Variants in GPHN observed in about 807,000 individuals in gnomAD.
The protein encoded by GPHN is gephyrin.
In GPHN, 17 loss-of-function variants were observed where a neutral mutation model predicts 95.5. The ratio of observed to expected loss-of-function variants is 0.18; its 90% CI spans 0.12 to 0.27. The LOEUF (loss-of-function observed/expected upper bound fraction) is 0.27. GPHN is among the 10% of genes least tolerant of loss of function. The pLI is 1.00. For synonymous variants in GPHN, 320 were observed against 322.5 expected, an observed-to-expected ratio of 0.99 and a Z score of 0.08; for missense variants, 660 against 978.1, an observed-to-expected ratio of 0.67 and a Z score of 4.34.
At chr14:67,169,577 TA>T (rs1567441487) in intron 21 of GPHN, among the ~76,000 whole-genome samples, 1 of 152,186 alleles carries the variant, frequency 6.6e-6, no homozygotes, top group Non-Finnish European at 1.5e-5. Context: ...ACCTGGAAAT[TA>T]GGTCTCCTTC....
At chr14:67,443,599 A>G in the GPHN span, among the ~76,000 whole-genome samples, 1 of 151,864 alleles carries the variant, frequency 6.6e-6, no homozygotes, top group Non-Finnish European at 1.5e-5. Flanking sequence ...AGAAAGAAAG[A>G]AAAGAGAAAT....
chr14:67,453,207 C>G, the GPHN span, among the ~76,000 whole-genome samples: 1 of 149,076 alleles, frequency 6.7e-6, no homozygotes, highest in Admixed American at 6.7e-5. Context: ...CTCCAATTAT[C>G]CCCCGGGGGG....
intron 4 of GPHN, among the ~76,000 whole-genome samples, chr14:66,839,001 A>G (rs1191615748): frequency 6.6e-6 from 1 of 152,226 alleles, no homozygotes; most frequent in African/African-American, 2.4e-5. Context: ...TAATAATTTT[A>G]CCAGTATTAT....
At chr14:67,059,014 G>T in intron 11 of GPHN, 72 of 382,278 alleles carry the variant, frequency 1.9e-4, no homozygotes, top group Non-Finnish European at 2.1e-4. Flanking sequence ...TTAAAAAAAG[G>T]AAAAAAAAAA....
At chr14:67,628,690 C>A in the GPHN span, among the ~76,000 whole-genome samples, 1 of 152,154 alleles carries the variant, frequency 6.6e-6, no homozygotes, top group Non-Finnish European at 1.5e-5. Context: ...ATTTTGACCA[C>A]CTCAGCCATT....
chr14:67,320,922 A>T, the GPHN span: 2 of 705,700 alleles, frequency 2.8e-6, no homozygotes, highest in Non-Finnish European at 4.8e-6. Context: ...TTAAACATGT[A>T]GGCACTTAGC....
At chr14:67,393,641 A>G in the GPHN span, among the ~76,000 whole-genome samples, 1 of 152,002 alleles carries the variant, frequency 6.6e-6, no homozygotes, top group East Asian at 1.9e-4. Flanking sequence ...TTTAGTAGAG[A>G]TGGGGTTTCA....
Position 67,011,409 on chromosome 14 carries a change from C to CA in GPHN, c.964-12210dup, listed in dbSNP as rs1224027486. 3.7e-3 allele frequency among the ~76,000 whole-genome samples: 461 copies of CA among 123,044 alleles called. 3 individuals are homozygous for CA. The highest frequency in any genetic ancestry group is 0.024 in the Middle Eastern group (6 of 248). 80.7% of individuals were successfully genotyped at this position (123,044 alleles called of 152,430 possible). ...ACAACATAGGGTGACCCCACCTCTA[C>CA]AAAAAAAAAAAAAATTATCTCGGGG... is the stretch of plus-strand genomic sequence containing the variant. On this transcript the variant is annotated intron_variant, in intron 9 of 22. Transcript: ENST00000478722.
chr14:67,417,517 C>T, the GPHN span, among the ~76,000 whole-genome samples: 3 of 148,762 alleles, frequency 2.0e-5, no homozygotes, highest in South Asian at 4.3e-4. Flanking sequence ...CTGCAGCCTC[C>T]ACCTCCCAGG....
At chr14:67,517,577 G>A in the GPHN span, among the ~76,000 whole-genome samples, 13 of 152,160 alleles carry the variant, frequency 8.5e-5, no homozygotes, top group South Asian at 2.1e-4. Flanking sequence ...TCAGAAAGAA[G>A]GGTTAAGATC....
chr14:66,533,885 G>A (rs1489013972), intron 1 of GPHN, among the ~76,000 whole-genome samples: 1 of 152,154 alleles, frequency 6.6e-6, no homozygotes, highest in African/African-American at 2.4e-5. Flanking sequence ...CAAATACTCA[G>A]ATTTTTGGAT....
At chr14:66,976,859 AG>A (rs1428889252) in intron 9 of GPHN, among the ~76,000 whole-genome samples, 1 of 143,784 alleles carries the variant, frequency 7.0e-6, no homozygotes, top group Admixed American at 7.0e-5. Context: ...AAAAAGGATG[AG>A]TAAAAGGTAA....
the GPHN span, chr14:67,645,579 G>T: frequency 1.4e-5 from 21 of 1,555,290 alleles, no homozygotes; most frequent in East Asian, 4.7e-4. Flanking sequence ...TTTGGCTGAG[G>T]ACGTTTGTTA....
the GPHN span, chr14:67,447,830 G>A: frequency 6.6e-6 from 1 of 152,192 alleles, no homozygotes; most frequent in Non-Finnish European, 1.5e-5. Flanking sequence ...AATGTGGGTG[G>A]AAGTGAGCTG....
the GPHN span, chr14:67,579,224 G>A: frequency 6.2e-7 from 1 of 1,611,160 alleles, no homozygotes. Context: ...CATCGCGCAT[G>A]GAAGTGGTGT....
At chr14:67,499,559 C>T in the GPHN span, among the ~76,000 whole-genome samples, 5 of 152,118 alleles carry the variant, frequency 3.3e-5, no homozygotes, top group African/African-American at 9.7e-5. Context: ...AAATAGGTGC[C>T]AGGCTTGGTC....
intron 4 of GPHN, among the ~76,000 whole-genome samples, chr14:66,832,588 A>ATT (rs531455813): frequency 0.016 from 2,339 of 148,678 alleles, 30 homozygotes; most frequent in Non-Finnish European, 0.018. Context: ...TGAAAGCAGA[A>ATT]TTTTTTTTTT....
the GPHN span, among the ~76,000 whole-genome samples, chr14:67,706,822 C>G: frequency 6.6e-6 from 1 of 152,082 alleles, no homozygotes; most frequent in African/African-American, 2.4e-5. Context: ...AGTCTCTGGT[C>G]CCAGCTTTTT....
chr14:66,912,501 C>T (rs528268972), intron 5 of GPHN, among the ~76,000 whole-genome samples: 1 of 152,092 alleles, frequency 6.6e-6, no homozygotes, highest in South Asian at 2.1e-4. Context: ...ATGTAACATG[C>T]TGAATCAGAT....
Sources: gnomAD v4.1 joint callset for allele counts (sites outside exome capture counted in the v4.1 genomes callset) on GRCh38, gnomAD v4.1.1 for gene constraint, MANE v1.5 for transcripts, NCBI Gene and HGNC (gene_info 2026-07-23, HGNC 2026-07-21) for gene names.